TEX26: variants seen among roughly 807,000 people sequenced by gnomAD.
TEX26 encodes testis expressed 26.
Under a neutral mutation model 35.3 loss-of-function variants are expected in TEX26, and 34 were observed. That is an observed-to-expected ratio of 0.96 (90% CI 0.73 to 1.28). The LOEUF is 1.28. TEX26 is among the 50% of genes most tolerant of loss of function. The probability of loss-of-function intolerance (pLI) is 0.00; values close to 1 mark genes in which losing one functional copy is unlikely to be tolerated. For synonymous variants in TEX26, 136 were observed against 111.8 expected (o/e 1.22, Z -1.36); for missense variants, 371 against 330.1 (o/e 1.12, Z -0.96).
Position 30,932,666 on chromosome 13 carries a change from A to G in TEX26, c.-50A>G. ...CACAAAGCAGCCCGCGGCTCCCGCA[A>G]GCGCTGAGATAGCTGGAGCCAGGGC... On this transcript the variant is annotated 5_prime_UTR_variant, in exon 1 of 7. Transcript: ENST00000380473. 1 of 1,595,326 alleles carries G rather than the reference A, an allele frequency of 6.3e-7. No individual in the cohort carries two copies. Among genetic ancestry groups the G allele is most frequent in the South Asian group, 1.1e-5 (1 of 88,468 alleles).
At chr13:30,939,574 T>C in intron 1 of TEX26, 120 bp from the exon 2 acceptor site, 1 of 843,694 alleles carries the variant, frequency 1.2e-6, no homozygotes, top group Non-Finnish European at 1.9e-6. Flanking sequence ...TTCCTTAGAC[T>C]CTAAAGATAA....
At chr13:30,939,633 A>G in intron 1 of TEX26, 61 bp from the exon 2 acceptor site, 4 of 1,415,496 alleles carry the variant, frequency 2.8e-6, no homozygotes, top group Non-Finnish European at 4.0e-6. Context: ...AATTGTTAAA[A>G]CAACATTTCT....
At chr13:30,969,846 A>C (rs1178767072) in intron 6 of TEX26, among the ~76,000 whole-genome samples, 1 of 147,376 alleles carries the variant, frequency 6.8e-6, no homozygotes, top group Non-Finnish European at 1.5e-5. Flanking sequence ...GAAGTAAAAA[A>C]TATCAATAAA....
chr13:30,942,936 T>A lies in TEX26; in HGVS notation c.146+3158T>A, dbSNP rs187392629. On this transcript the variant is annotated intron_variant, in intron 2 of 6. Transcript: ENST00000380473. ...GTCTAGTAATGTGATGCCTTCAGATTTATTCTTTTTACTTAGGATTGTTTT... is the reference window on the plus strand; with the variant it reads ...GTCTAGTAATGTGATGCCTTCAGATATATTCTTTTTACTTAGGATTGTTTT... Among the ~76,000 whole-genome samples, 5 of 152,278 alleles carry A rather than the reference T, an allele frequency of 3.3e-5. No individual in the cohort carries two copies. In the South Asian group the frequency reaches 8.3e-4, roughly 25 times the overall value.
At position 30,969,065 on chromosome 13, in the gene TEX26, T is replaced by A; in HGVS notation, c.808+19T>A. The A allele has an allele frequency of 6.2e-7, 1 of 1,605,706 alleles. No individual in the cohort carries two copies. The highest frequency in any genetic ancestry group is 1.1e-5 in the South Asian group (1 of 89,318). On this transcript the variant is annotated intron_variant, in intron 6 of 6. Coordinates refer to ENST00000380473, the MANE Select transcript of TEX26 (RefSeq NM_152325.3). ...TACAAAGGTAAGATGAGGTCTTATT[T>A]CACACACTTACAGATCACAATACAT... is the stretch of plus-strand genomic sequence containing the variant.
At chr13:30,953,885 A>C (rs1211481967) in intron 3 of TEX26, among the ~76,000 whole-genome samples, 1 of 152,196 alleles carries the variant, frequency 6.6e-6, no homozygotes, top group East Asian at 1.9e-4. Context: ...TGATGCATTC[A>C]ATAGATGATA....
intron 6 of TEX26, among the ~76,000 whole-genome samples, chr13:30,969,578 G>A (rs1433180975): frequency 6.6e-6 from 1 of 152,098 alleles, no homozygotes; most frequent in Non-Finnish European, 1.5e-5. Flanking sequence ...TGATTTGGGG[G>A]CATCTTAGGG....
chr13:30,973,916 G>A (rs974047016), intron 6 of TEX26, among the ~76,000 whole-genome samples: 19 of 151,730 alleles, frequency 1.3e-4, no homozygotes, highest in African/African-American at 4.1e-4. Flanking sequence ...TTGGGAAGCC[G>A]AGGCGGGTGG....
chr13:30,967,683 G>A (rs1178673439), intron 5 of TEX26, among the ~76,000 whole-genome samples: 1 of 152,176 alleles, frequency 6.6e-6, no homozygotes, highest in Non-Finnish European at 1.5e-5. Flanking sequence ...GGAGCTGGAA[G>A]GTGTTCTTAA....
Position 30,934,613 on chromosome 13 carries a change from G to A in TEX26, c.61+1837G>A, listed in dbSNP as rs1487059293. The stretch of plus-strand genomic sequence containing the variant: ...CGTCTTCCAGCTTCAGGTAGCCATC[G>A]GCACTGCTAGTGATGGCAGTGGCTG... On this transcript the variant is annotated intron_variant, in intron 1 of 6. Coordinates refer to ENST00000380473, the MANE Select transcript of TEX26 (RefSeq NM_152325.3). Among the ~76,000 whole-genome samples, 5 of 152,148 alleles carry A rather than the reference G, an allele frequency of 3.3e-5. No homozygotes were observed. In the East Asian group the frequency reaches 5.8e-4, roughly 18 times the overall value.
intron 4 of TEX26, among the ~76,000 whole-genome samples, chr13:30,961,215 G>T (rs774027950): frequency 1.3e-5 from 2 of 152,138 alleles, no homozygotes; most frequent in Non-Finnish European, 2.9e-5. Flanking sequence ...ACCATGCCTG[G>T]TGTCCCTCAG....
intron 5 of TEX26, among the ~76,000 whole-genome samples, chr13:30,967,754 T>G (rs1954588957): frequency 6.6e-6 from 1 of 152,210 alleles, no homozygotes; most frequent in Non-Finnish European, 1.5e-5. Context: ...TCTATTATTT[T>G]TTTCATGATA....
intron 5 of TEX26, 129 bp downstream of exon 5, chr13:30,966,527 T>C: frequency 1.2e-6 from 1 of 826,456 alleles, no homozygotes; most frequent in Non-Finnish European, 1.8e-6. Flanking sequence ...GATCTCCGCC[T>C]CCTGGGTTCA....
chr13:30,964,927 C>A (rs775834125), intron 4 of TEX26, among the ~76,000 whole-genome samples: 3 of 152,208 alleles, frequency 2.0e-5, no homozygotes, highest in South Asian at 2.1e-4. Context: ...CATTAGGCCC[C>A]ACCTCCCAAC....
chr13:30,970,961 T>A (rs1954692263), intron 6 of TEX26, among the ~76,000 whole-genome samples: 1 of 152,214 alleles, frequency 6.6e-6, no homozygotes, highest in African/African-American at 2.4e-5. Context: ...AGGGTTTTGT[T>A]TCTTCTTAGC....
chr13:30,974,873 G>C lies in TEX26; in HGVS notation c.836G>C (p.Arg279Pro). The C allele has an allele frequency of 6.4e-7, 1 of 1,559,418 alleles. No homozygotes were observed. The highest frequency in any genetic ancestry group is 1.2e-5 in the South Asian group (1 of 80,652). Residue 279 changes from arginine to proline, a missense_variant, in exon 7 of 7, where the codon CGT (arginine) becomes CCT (proline). Coordinates refer to ENST00000380473, the MANE Select transcript of TEX26 (RefSeq NM_152325.3). ...AGACAAATTATTGATCGCTTTATTC[G>C]TACTCACTGTGACACTAACAAAAAG... is the stretch of plus-strand genomic sequence containing the variant. ...KDRQIIDRFIRTHCDTNKKKK is the reference protein window; with the variant it reads ...KDRQIIDRFIPTHCDTNKKKK
At chr13:30,962,653 A>G (rs985112781) in intron 4 of TEX26, among the ~76,000 whole-genome samples, 1 of 152,198 alleles carries the variant, frequency 6.6e-6, no homozygotes, top group Non-Finnish European at 1.5e-5. Flanking sequence ...TTTTATCCTC[A>G]TTATGGAATT....
intron 1 of TEX26, among the ~76,000 whole-genome samples, chr13:30,935,828 C>T (rs760877220): frequency 1.4e-4 from 22 of 152,178 alleles, no homozygotes; most frequent in South Asian, 2.1e-4. Context: ...TACCTCAATG[C>T]GGGACAAAAA....
chr13:30,963,645 CT>C (rs1311147075), intron 4 of TEX26, among the ~76,000 whole-genome samples: 1 of 152,216 alleles, frequency 6.6e-6, no homozygotes, highest in African/African-American at 2.4e-5. Context: ...TGTGCGTTCA[CT>C]CATTAACTTA....
Sources: gnomAD v4.1 joint callset for allele counts (sites outside exome capture counted in the v4.1 genomes callset) on GRCh38, gnomAD v4.1.1 for gene constraint, MANE v1.5 for transcripts, NCBI Gene and HGNC (gene_info 2026-07-23, HGNC 2026-07-21) for gene names.